SPECC1: variants seen among roughly 807,000 people sequenced by gnomAD.
The protein encoded by SPECC1 is sperm antigen with calponin homology and coiled-coil domains 1.
A neutral mutation model predicts 104.1 loss-of-function variants in SPECC1; 62 were observed. That is an observed-to-expected ratio of 0.60 (90% confidence interval 0.49 to 0.74). SPECC1 has a LOEUF of 0.74. SPECC1 is among the 30% of genes least tolerant of loss of function. SPECC1 has a pLI of 0.00. For missense variants in SPECC1, 1,306 were observed against 1,310.5 expected, an observed-to-expected ratio of 1.00 and a Z score of 0.05; for synonymous variants, 513 against 501.6, an observed-to-expected ratio of 1.02 and a Z score of -0.30.
At chr17:20,118,411 A>G (rs1025030523) in intron 3 of SPECC1, among the ~76,000 whole-genome samples, 11 of 152,330 alleles carry the variant, frequency 7.2e-5, no homozygotes, top group Middle Eastern at 3.4e-3. Flanking sequence ...ATGGGAAACA[A>G]CCTAAGTATG....
rs1364273786 is a variant in SPECC1 at position 20,205,696 on chromosome 17, G to A, written c.1647G>A (p.Met549Ile). The change falls in exon 4 of 15, where the codon ATG becomes ATA. Residue 549 changes from methionine to isoleucine, a missense_variant. By Grantham distance (10) the Met-to-Ile change is conservative (BLOSUM62 1). Around this residue, in one of 2 missense-constraint regions of SPECC1, gnomAD observed 1,177 missense variants for 1,139.9 expected, o/e 1.03. Transcript: ENST00000395527. ...GAGTTACCTTGGAAGGGCTAAAAATGGAGAATGGATCTTTGAAGTCTCATT... is the reference window on the plus strand; with the variant it reads ...GAGTTACCTTGGAAGGGCTAAAAATAGAGAATGGATCTTTGAAGTCTCATT... ...ECRVTLEGLKMENGSLKSHLQ... is the reference protein window; with the variant it reads ...ECRVTLEGLKIENGSLKSHLQ... 6.2e-7 allele frequency: 1 copy of A among 1,614,230 alleles called. No individual in the cohort carries two copies. The highest frequency in any genetic ancestry group is 8.5e-7 in the Non-Finnish European group (1 of 1,180,038).
chr17:20,264,867 T>A (rs1364380563), intron 12 of SPECC1, among the ~76,000 whole-genome samples: 1 of 152,194 alleles, frequency 6.6e-6, no homozygotes, highest in Non-Finnish European at 1.5e-5. Flanking sequence ...ATAAGTGAGA[T>A]GTGGTATTTG....
chr17:20,271,413 A>G (rs1006316418), intron 12 of SPECC1, among the ~76,000 whole-genome samples: 5 of 151,772 alleles, frequency 3.3e-5, no homozygotes, highest in Non-Finnish European at 5.9e-5. Context: ...TCACATTAAG[A>G]TGCTGTGAGT....
intron 3 of SPECC1, among the ~76,000 whole-genome samples, chr17:20,131,152 A>G (rs2049601172): frequency 6.6e-6 from 1 of 152,138 alleles, no homozygotes; most frequent in Admixed American, 6.6e-5. Flanking sequence ...GGATTTTTCA[A>G]TGTAAACAAT....
intron 1 of SPECC1, among the ~76,000 whole-genome samples, chr17:20,035,623 T>A (rs1050069446): frequency 1.3e-5 from 2 of 152,014 alleles, no homozygotes; most frequent in Non-Finnish European, 2.9e-5. Context: ...TTTTTTTTTT[T>A]AAATAGAGAT....
intron 1 of SPECC1, among the ~76,000 whole-genome samples, chr17:20,018,965 C>A (rs911895540): frequency 1.1e-4 from 16 of 152,126 alleles, no homozygotes; most frequent in African/African-American, 7.2e-5. Flanking sequence ...ATAAACCACA[C>A]AATAATTTAG....
intron 3 of SPECC1, among the ~76,000 whole-genome samples, chr17:20,183,919 C>G (rs140148712): frequency 1.0e-3 from 157 of 151,802 alleles, no homozygotes; most frequent in African/African-American, 3.7e-3. Context: ...GCTTATAATC[C>G]TAGTACTTTG....
intron 1 of SPECC1, among the ~76,000 whole-genome samples, chr17:20,019,435 C>CTG (rs143399123): frequency 0.069 from 10,463 of 151,916 alleles, 975 homozygotes; most frequent in African/African-American, 0.21. Flanking sequence ...TAAGGTGAAA[C>CTG]TGAGTGGAGA....
At chr17:20,291,589 G>A (rs989766284) in intron 12 of SPECC1, among the ~76,000 whole-genome samples, 1 of 152,038 alleles carries the variant, frequency 6.6e-6, no homozygotes, top group Non-Finnish European at 1.5e-5. Flanking sequence ...CTGTCATGCA[G>A]GCGGGAGTGC....
chr17:20,033,903 A>G (rs1471643171), intron 1 of SPECC1, among the ~76,000 whole-genome samples: 1 of 152,176 alleles, frequency 6.6e-6, no homozygotes, highest in Non-Finnish European at 1.5e-5. Context: ...GCTTATTGTC[A>G]GCCTCAAATG....
At chr17:20,190,052 C>A (rs1210903463) in intron 3 of SPECC1, among the ~76,000 whole-genome samples, 1 of 152,048 alleles carries the variant, frequency 6.6e-6, no homozygotes, top group African/African-American at 2.4e-5. Context: ...AGGTATGAAT[C>A]TCTAGAAAGC....
intron 3 of SPECC1, among the ~76,000 whole-genome samples, chr17:20,138,822 T>C (rs1265953205): frequency 6.6e-6 from 1 of 152,230 alleles, no homozygotes; most frequent in Non-Finnish European, 1.5e-5. Flanking sequence ...GAATAAAGCT[T>C]CTATAAATAC....
At chr17:20,130,481 T>G (rs1407055290) in intron 3 of SPECC1, among the ~76,000 whole-genome samples, 1 of 152,170 alleles carries the variant, frequency 6.6e-6, no homozygotes, top group African/African-American at 2.4e-5. Context: ...TCTGCAGTGA[T>G]ATATAATAAC....
intron 1 of SPECC1, chr17:20,018,215 G>A (rs1469030742): frequency 6.6e-6 from 1 of 152,128 alleles, no homozygotes; most frequent in South Asian, 2.1e-4. Context: ...AGCTTGTATT[G>A]GGCTATGGTT....
At chr17:20,045,291 A>G (rs933859143) in intron 1 of SPECC1, among the ~76,000 whole-genome samples, 4 of 152,164 alleles carry the variant, frequency 2.6e-5, no homozygotes, top group African/African-American at 9.7e-5. Context: ...TGATGGTTGA[A>G]TGATGGGTAC....
chr17:20,140,993 A>G (rs991000526), intron 3 of SPECC1, among the ~76,000 whole-genome samples: 6 of 152,156 alleles, frequency 3.9e-5, no homozygotes, highest in Non-Finnish European at 7.4e-5. Flanking sequence ...TCTGGTGAAC[A>G]ACGACGGGGC....
intron 4 of SPECC1, among the ~76,000 whole-genome samples, chr17:20,223,652 G>A (rs1335135234): frequency 6.7e-6 from 1 of 150,302 alleles, no homozygotes; most frequent in East Asian, 1.9e-4. Flanking sequence ...CAGCCTGGGC[G>A]ACAGAGCAAG....
intron 3 of SPECC1, among the ~76,000 whole-genome samples, chr17:20,199,702 A>T (rs1202773601): frequency 6.6e-6 from 1 of 152,008 alleles, no homozygotes. Flanking sequence ...TGTTCTCCAT[A>T]ATGGTTGTAC....
Position 20,077,610 on chromosome 17 carries a change from G to A in SPECC1, c.-21-19021G>A, listed in dbSNP as rs2046810861. ...GCCTCTCGAGTAGTTGGGATTATAG[G>A]CACCCGCCACCACGCCTGGCTAAGT... On this transcript the variant is annotated intron_variant, in intron 1 of 14. Coordinates refer to ENST00000395527, the MANE Select transcript of SPECC1 (RefSeq NM_001243439.2). Among the ~76,000 whole-genome samples, 5 of 151,986 alleles carry A rather than the reference G, an allele frequency of 3.3e-5. No individual in the cohort carries two copies. The South Asian group carries it at 1.0e-3, about 32-fold the overall frequency.
Sources: gnomAD v4.1 joint callset for allele counts (sites outside exome capture counted in the v4.1 genomes callset) on GRCh38, gnomAD v4.1.1 for gene constraint, gnomAD v4.1.1 regional missense constraint, MANE v1.5 for transcripts, NCBI Gene and HGNC (gene_info 2026-07-23, HGNC 2026-07-21) for gene names.